Variants in NKAIN2 observed in about 807,000 individuals in gnomAD.
The protein encoded by NKAIN2 is sodium/potassium-transporting ATPase subunit beta-1-interacting protein 2.
NKAIN2 carries 14 observed loss-of-function variants against 32.6 expected under a neutral mutation model. That is an observed-to-expected ratio of 0.43 (90% confidence interval 0.28 to 0.67). The LOEUF (loss-of-function observed/expected upper bound fraction) is 0.67. Among genes scored for constraint, NKAIN2 ranks in the 30% least tolerant of loss-of-function variants. NKAIN2 has a pLI of 0.17. For synonymous variants in NKAIN2, 80 were observed against 87.2 expected (o/e 0.92, Z 0.46); for missense variants, 198 against 258.3 (o/e 0.77, Z 1.60).
intron 1 of NKAIN2, among the ~76,000 whole-genome samples, chr6:123,818,201 G>A (rs9490946): frequency 0.021 from 3,146 of 152,250 alleles, 96 homozygotes; most frequent in African/African-American, 0.068. Flanking sequence ...TTGTTGACAT[G>A]CAGGACAAAC....
At chr6:123,894,216 A>G (rs1051893264) in intron 1 of NKAIN2, among the ~76,000 whole-genome samples, 1 of 152,062 alleles carries the variant, frequency 6.6e-6, no homozygotes, top group African/African-American at 2.4e-5. Flanking sequence ...TGTCCTGTTC[A>G]TGGCTGGTGA....
intron 3 of NKAIN2, among the ~76,000 whole-genome samples, chr6:124,429,811 T>C (rs942660164): frequency 1.3e-5 from 2 of 152,242 alleles, no homozygotes; most frequent in East Asian, 3.9e-4. Context: ...CTGCCAGGTC[T>C]TTTCACGTCC....
intron 1 of NKAIN2, among the ~76,000 whole-genome samples, chr6:124,217,792 C>T (rs903025155): frequency 7.2e-5 from 11 of 151,754 alleles, no homozygotes; most frequent in African/African-American, 2.7e-4. Flanking sequence ...TATGTACACA[C>T]ACACACATAT....
intron 1 of NKAIN2, among the ~76,000 whole-genome samples, chr6:124,074,769 T>C (rs1475130540): frequency 6.6e-6 from 1 of 152,196 alleles, no homozygotes; most frequent in African/African-American, 2.4e-5. Context: ...TGGAAGTCCA[T>C]GGAACTGGTG....
At chr6:124,567,167 T>A (rs1780947646) in intron 3 of NKAIN2, among the ~76,000 whole-genome samples, 1 of 152,188 alleles carries the variant, frequency 6.6e-6, no homozygotes, top group Admixed American at 6.6e-5. Flanking sequence ...TATCATACCC[T>A]TGCTATAAAA....
At chr6:124,478,719 G>A (rs1777331091) in intron 3 of NKAIN2, among the ~76,000 whole-genome samples, 1 of 152,162 alleles carries the variant, frequency 6.6e-6, no homozygotes, top group Non-Finnish European at 1.5e-5. Flanking sequence ...GGGGAGGATA[G>A]ACATATCTCC....
chr6:123,888,307 A>C (rs1489498282), intron 1 of NKAIN2, among the ~76,000 whole-genome samples: 1 of 152,140 alleles, frequency 6.6e-6, no homozygotes, highest in African/African-American at 2.4e-5. Flanking sequence ...TAACATCTTC[A>C]GCTCTTACAT....
rs181244422 is a variant in NKAIN2, at chr6:124,271,849, A to G, written c.55-11156A>G. Among the ~76,000 whole-genome samples the G allele has an allele frequency of 4.1e-3, 618 of 152,312 alleles. 3 individuals carry two copies. The highest frequency in any genetic ancestry group is 0.012 in the African/African-American group (509 of 41,566). Reference sequence around the variant, plus strand: ...AACTGGAGTAAAGGTCACTCGTGCTATATTTTAGCAAAGAGATTGGCAGCA... The same window carrying G: ...AACTGGAGTAAAGGTCACTCGTGCTGTATTTTAGCAAAGAGATTGGCAGCA... On this transcript the variant is annotated intron_variant, in intron 1 of 6. Transcript: ENST00000368417.
intron 3 of NKAIN2, among the ~76,000 whole-genome samples, chr6:124,473,545 C>T (rs574193914): frequency 2.6e-5 from 4 of 152,138 alleles, no homozygotes; most frequent in African/African-American, 9.6e-5. Flanking sequence ...CAAAAATTAT[C>T]TTACTTGTTG....
At chr6:124,622,331 C>A (rs780981147) in intron 3 of NKAIN2, among the ~76,000 whole-genome samples, 1 of 152,146 alleles carries the variant, frequency 6.6e-6, no homozygotes. Context: ...ACAGGATATG[C>A]GACAGGGGTG....
At position 124,180,623 on chromosome 6, in the gene NKAIN2, T is replaced by C. The variant is rs1789395396; in HGVS notation, c.55-102382T>C. 2.0e-5 allele frequency among the ~76,000 whole-genome samples: 3 copies of C among 152,042 alleles called. 1 individual carries two copies. The South Asian group carries it at 6.2e-4, about 31-fold the overall frequency. ...CATGCCTTCCCAGCAGTCCCCAAAGTCTTAACTCATTTCAGCATTAAATCA... is the reference window on the plus strand; with the variant it reads ...CATGCCTTCCCAGCAGTCCCCAAAGCCTTAACTCATTTCAGCATTAAATCA... On this transcript the variant is annotated intron_variant, in intron 1 of 6. Transcript: ENST00000368417.
chr6:124,775,282 T>C (rs1778937111), intron 4 of NKAIN2, among the ~76,000 whole-genome samples: 1 of 152,340 alleles, frequency 6.6e-6, no homozygotes, highest in East Asian at 1.9e-4. Context: ...CTGCCACTTT[T>C]TTAGGAGGCC....
chr6:124,787,103 C>T (rs1417117590), intron 4 of NKAIN2, among the ~76,000 whole-genome samples: 2 of 152,122 alleles, frequency 1.3e-5, no homozygotes, highest in African/African-American at 2.4e-5. Flanking sequence ...CAAGCACCAA[C>T]CTACTCCGAG....
intron 2 of NKAIN2, among the ~76,000 whole-genome samples, chr6:124,302,995 T>C (rs1367513802): frequency 1.3e-5 from 2 of 152,202 alleles, no homozygotes; most frequent in African/African-American, 4.8e-5. Flanking sequence ...TTGGACCTTT[T>C]ATGTAGACAT....
chr6:124,189,469 G>A (rs918442669), intron 1 of NKAIN2, among the ~76,000 whole-genome samples: 1 of 152,134 alleles, frequency 6.6e-6, no homozygotes, highest in African/African-American at 2.4e-5. Context: ...GGGAGGCCGA[G>A]GTGGGCAGAT....
At chr6:124,427,704 G>C (rs1467904829) in intron 3 of NKAIN2, among the ~76,000 whole-genome samples, 1 of 152,054 alleles carries the variant, frequency 6.6e-6, no homozygotes, top group Non-Finnish European at 1.5e-5. Flanking sequence ...CCTGAAATAC[G>C]ATCTAAGAAT....
intron 4 of NKAIN2, among the ~76,000 whole-genome samples, chr6:124,720,740 A>C (rs1035542921): frequency 6.6e-6 from 1 of 152,154 alleles, no homozygotes; most frequent in Admixed American, 6.5e-5. Context: ...CCCAGTGACC[A>C]CATCTGCAGA....
At chr6:124,223,212 CAAAAA>C (rs369262954) in intron 1 of NKAIN2, among the ~76,000 whole-genome samples, 1 of 68,220 alleles carries the variant, frequency 1.5e-5, no homozygotes, top group Admixed American at 1.7e-4. Context: ...GACTCCATCT[CAAAAA>C]AAAAAAAAAA....
intron 4 of NKAIN2, among the ~76,000 whole-genome samples, chr6:124,706,512 A>G (rs1486943936): frequency 6.6e-6 from 1 of 152,186 alleles, no homozygotes; most frequent in Non-Finnish European, 1.5e-5. Flanking sequence ...AAACAAAAAA[A>G]AGATTGAATC....
Sources: allele counts gnomAD v4.1 joint callset (sites outside exome capture counted in the v4.1 genomes callset), GRCh38; gene constraint gnomAD v4.1.1; transcripts MANE v1.5; gene names NCBI Gene and HGNC (gene_info 2026-07-23, HGNC 2026-07-21).